Variants in ARHGAP26 observed in about 807,000 individuals in gnomAD.
ARHGAP26 encodes Rho GTPase activating protein 26, also known as rho GTPase-activating protein 26.
A neutral mutation model predicts 104.8 loss-of-function variants in ARHGAP26; 38 were observed. The observed-to-expected ratio is 0.36, with a 90% CI of 0.28 to 0.48. ARHGAP26 has a LOEUF of 0.48. ARHGAP26 is among the 20% of genes least tolerant of loss of function. The probability of loss-of-function intolerance (pLI) is 0.99; values close to 1 mark genes in which losing one functional copy is unlikely to be tolerated. For synonymous variants in ARHGAP26, 341 were observed against 340.0 expected (o/e 1.00, Z -0.03); for missense variants, 704 against 947.9 (o/e 0.74, Z 3.38).
intron 1 of ARHGAP26, among the ~76,000 whole-genome samples, chr5:142,797,669 G>A (rs751985339): frequency 1.1e-4 from 16 of 152,166 alleles, no homozygotes; most frequent in Non-Finnish European, 1.9e-4. Flanking sequence ...AGCAACCCTC[G>A]TCTGTGATTC....
intron 14 of ARHGAP26, 29 bp from the exon 15 acceptor site, chr5:143,054,410 C>CT (rs1327557662): frequency 2.6e-6 from 4 of 1,536,472 alleles, no homozygotes; most frequent in Non-Finnish European, 3.6e-6. Flanking sequence ...TTATGCTGTG[C>CT]TTTATGTATT....
intron 17 of ARHGAP26, among the ~76,000 whole-genome samples, chr5:143,089,834 A>C (rs1363752707): frequency 6.6e-6 from 1 of 152,198 alleles, no homozygotes; most frequent in African/African-American, 2.4e-5. Flanking sequence ...TAAGAGTTGA[A>C]AGACCCATAA....
chr5:142,905,762 C>T (rs571433776), intron 8 of ARHGAP26, among the ~76,000 whole-genome samples: 44 of 152,252 alleles, frequency 2.9e-4, no homozygotes, highest in African/African-American at 1.0e-3. Context: ...TAGCTAAAAT[C>T]GCAATTGAAC....
intron 1 of ARHGAP26, among the ~76,000 whole-genome samples, chr5:142,858,821 G>A (rs145043022): frequency 6.6e-5 from 10 of 152,294 alleles, no homozygotes; most frequent in Admixed American, 4.6e-4. Context: ...TAGGGAATGC[G>A]AGGAGACTGC....
At chr5:143,178,315 A>C (rs1245698531) in intron 20 of ARHGAP26, among the ~76,000 whole-genome samples, 2 of 152,018 alleles carry the variant, frequency 1.3e-5, no homozygotes, top group African/African-American at 4.8e-5. Flanking sequence ...GGCAGTCTTA[A>C]CCTGTAAGCT....
At chr5:142,928,020 C>G (rs900549970) in intron 10 of ARHGAP26, among the ~76,000 whole-genome samples, 1 of 152,252 alleles carries the variant, frequency 6.6e-6, no homozygotes, top group South Asian at 2.1e-4. Flanking sequence ...TTCTTACTCA[C>G]TTGTAGGCAT....
At chr5:142,784,420 G>A (rs1199757997) in intron 1 of ARHGAP26, among the ~76,000 whole-genome samples, 3 of 152,152 alleles carry the variant, frequency 2.0e-5, no homozygotes, top group Admixed American at 6.5e-5. Flanking sequence ...TTTTGTGCTT[G>A]AAACCGTACG....
chr5:142,917,367 C>T (rs1002589317), intron 10 of ARHGAP26, among the ~76,000 whole-genome samples: 7 of 152,132 alleles, frequency 4.6e-5, no homozygotes, highest in Non-Finnish European at 7.4e-5. Flanking sequence ...GAAACATTTT[C>T]CAGTGATGAG....
chr5:142,970,649 G>C (rs2152698454), intron 11 of ARHGAP26, among the ~76,000 whole-genome samples: 1 of 152,324 alleles, frequency 6.6e-6, no homozygotes, highest in East Asian at 1.9e-4. Flanking sequence ...TGATTGGCCA[G>C]GGTGTAACAG....
At chr5:142,776,242 C>T (rs1427093372) in intron 1 of ARHGAP26, among the ~76,000 whole-genome samples, 2 of 152,098 alleles carry the variant, frequency 1.3e-5, no homozygotes, top group East Asian at 1.9e-4. Context: ...CAAAGTGCTG[C>T]GATTACAGGC....
chr5:142,950,793 TAAAG>T (rs1481554392), intron 11 of ARHGAP26, among the ~76,000 whole-genome samples: 2 of 152,110 alleles, frequency 1.3e-5, no homozygotes, highest in Non-Finnish European at 2.9e-5. Flanking sequence ...GTTATAGAAA[TAAAG>T]AAAACTGTTC....
chr5:142,887,028 T>G (rs1757808261), intron 5 of ARHGAP26, among the ~76,000 whole-genome samples: 1 of 152,238 alleles, frequency 6.6e-6, no homozygotes, highest in Non-Finnish European at 1.5e-5. Context: ...GTACAGATAT[T>G]CAGAGTATTC....
chr5:143,152,542 C>T (rs1283451352), intron 20 of ARHGAP26, among the ~76,000 whole-genome samples: 3 of 152,210 alleles, frequency 2.0e-5, no homozygotes, highest in Non-Finnish European at 4.4e-5. Context: ...CACTTTTATA[C>T]CTAATGCCTG....
intron 11 of ARHGAP26, among the ~76,000 whole-genome samples, chr5:142,988,400 G>A (rs958450925): frequency 1.3e-5 from 2 of 152,034 alleles, no homozygotes; most frequent in South Asian, 4.2e-4. Context: ...TATTAGTCTT[G>A]CTAGTGGTCT....
intron 5 of ARHGAP26, among the ~76,000 whole-genome samples, chr5:142,890,196 A>ATATATG (rs1758456681): frequency 1.6e-5 from 2 of 121,276 alleles, no homozygotes; most frequent in Non-Finnish European, 3.5e-5. Context: ...ATATATATAT[A>ATATATG]TGAAAGTGCA....
At chr5:142,801,096 A>G (rs1349960312) in intron 1 of ARHGAP26, among the ~76,000 whole-genome samples, 1 of 152,102 alleles carries the variant, frequency 6.6e-6, no homozygotes, top group African/African-American at 2.4e-5. Flanking sequence ...GATGGTGGCT[A>G]TGTGGTTTTA....
intron 14 of ARHGAP26, among the ~76,000 whole-genome samples, chr5:143,051,225 C>T (rs1784971775): frequency 6.6e-6 from 1 of 152,194 alleles, no homozygotes; most frequent in South Asian, 2.1e-4. Flanking sequence ...TTGTCTGCAA[C>T]ACAGTAATAG....
chr5:142,973,432 C>G (rs578251968), intron 11 of ARHGAP26, among the ~76,000 whole-genome samples: 94 of 152,350 alleles, frequency 6.2e-4, no homozygotes, highest in African/African-American at 2.2e-3. Flanking sequence ...AGTCTGTGCA[C>G]ATGCTCTTCC....
intron 11 of ARHGAP26, among the ~76,000 whole-genome samples, chr5:142,959,675 C>G (rs918583440): frequency 6.6e-6 from 1 of 152,244 alleles, no homozygotes; most frequent in Non-Finnish European, 1.5e-5. Flanking sequence ...CCAGAGAAAA[C>G]TTCCTGCTTT....
Sources: gnomAD v4.1 joint callset for allele counts (sites outside exome capture counted in the v4.1 genomes callset) on GRCh38, gnomAD v4.1.1 for gene constraint, MANE v1.5 for transcripts, NCBI Gene and HGNC (gene_info 2026-07-23, HGNC 2026-07-21) for gene names.